The following NDUFA10 variants were observed in gnomAD, a reference collection of about 807,000 sequenced individuals.
The protein encoded by NDUFA10 is NADH:ubiquinone oxidoreductase subunit A10.
In NDUFA10, 40 loss-of-function variants were observed where a neutral mutation model predicts 47.8. The ratio of observed to expected loss-of-function variants is 0.84; its 90% CI spans 0.65 to 1.09. The LOEUF (loss-of-function observed/expected upper bound fraction) is 1.09. NDUFA10 is among the 50% of genes least tolerant of loss of function. The pLI is 0.00. For missense variants in NDUFA10, 413 were observed against 451.1 expected (o/e 0.92, Z 0.76); for synonymous variants, 183 against 172.2 (o/e 1.06, Z -0.49).
intron 4 of NDUFA10, among the ~76,000 whole-genome samples, chr2:239,919,425 C>A (rs1693930289): frequency 7.8e-6 from 1 of 127,932 alleles, no homozygotes; most frequent in African/African-American, 2.8e-5. Context: ...AATGCTGGCT[C>A]CTCGAGGGCA....
At chr2:239,975,199 T>G (rs1695472240) in intron 9 of NDUFA10, among the ~76,000 whole-genome samples, 1 of 152,254 alleles carries the variant, frequency 6.6e-6, no homozygotes, top group African/African-American at 2.4e-5. Flanking sequence ...TGCTCCTGCC[T>G]TATTAGGATG....
chr2:239,919,527 AG>A (rs1361386657), intron 4 of NDUFA10, among the ~76,000 whole-genome samples: 1 of 146,912 alleles, frequency 6.8e-6, no homozygotes, highest in Non-Finnish European at 1.5e-5. Context: ...GGTAAGTTGA[AG>A]GAATAACCAA....
intron 3 of NDUFA10, among the ~76,000 whole-genome samples, chr2:240,020,309 T>C (rs1283458433): frequency 2.0e-5 from 3 of 152,134 alleles, no homozygotes; most frequent in Non-Finnish European, 2.9e-5. Context: ...AGCACTGCAA[T>C]ATAAAACAGA....
intron 9 of NDUFA10, among the ~76,000 whole-genome samples, chr2:239,984,795 G>A (rs1695929885): frequency 6.6e-6 from 1 of 152,246 alleles, no homozygotes; most frequent in African/African-American, 2.4e-5. Context: ...TCCCGTCCCT[G>A]AGGCGCTCCC....
At chr2:239,955,109 G>C (rs887270565), downstream of NDUFA10, among the ~76,000 whole-genome samples, 2 of 152,186 alleles carry the variant, frequency 1.3e-5, no homozygotes, top group African/African-American at 4.8e-5. Flanking sequence ...TATTTCAATA[G>C]GAAGGAGTTT....
intron 8 of NDUFA10, among the ~76,000 whole-genome samples, chr2:239,998,162 C>T (rs911582395): frequency 1.3e-5 from 2 of 151,926 alleles, no homozygotes; most frequent in African/African-American, 4.8e-5. Context: ...CCTTTGTTCC[C>T]GACTTTCTCT....
chr2:239,935,217 C>T (rs1027382593), intron 4 of NDUFA10, among the ~76,000 whole-genome samples: 7 of 152,220 alleles, frequency 4.6e-5, no homozygotes, highest in African/African-American at 1.2e-4. Flanking sequence ...GGAAGGCCCT[C>T]GTTTCCCCCA....
At position 239,957,833 on chromosome 2, in the gene NDUFA10, G is replaced by C. The variant is rs1302764042; in HGVS notation, c.*3285C>G. ...ACTCACAGAGCCTGGCATTCCGATG[G>C]GGAAGGACAGAAAGGCTGGGACCCT... On this transcript the variant is annotated 3_prime_UTR_variant, in exon 10 of 10. Transcript: ENST00000252711. 1 of 152,214 alleles carries C rather than the reference G, an allele frequency of 6.6e-6. No homozygotes were observed. The highest frequency in any genetic ancestry group is 2.4e-5 in the African/African-American group (1 of 41,446). 9.4% of individuals were successfully genotyped at this position (152,214 alleles called of 1,614,324 possible).
chr2:239,895,097 C>G (rs1038320657), intron 5 of NDUFA10: 1 of 261,912 alleles, frequency 3.8e-6, no homozygotes, highest in Admixed American at 4.9e-5. Flanking sequence ...AGAGAAGAAT[C>G]TTGCCTTCAC....
chr2:240,004,413 T>TA (rs1696856151), intron 8 of NDUFA10, among the ~76,000 whole-genome samples: 1 of 151,712 alleles, frequency 6.6e-6, no homozygotes, highest in African/African-American at 2.4e-5. Context: ...CATATCGTAT[T>TA]ACTCCTCTGC....
chr2:239,903,585 AAAAGGGG>A (rs1693593267), intron 4 of NDUFA10, among the ~76,000 whole-genome samples: 1 of 152,248 alleles, frequency 6.6e-6, no homozygotes, highest in Non-Finnish European at 1.5e-5. Context: ...TGCCCTGTTG[AAAAGGGG>A]AAAGGAGATC....
intron 8 of NDUFA10, among the ~76,000 whole-genome samples, chr2:240,000,691 G>T (rs1696673501): frequency 1.3e-5 from 2 of 152,106 alleles, no homozygotes; most frequent in South Asian, 4.2e-4. Context: ...TCCACTCACG[G>T]TACATGCCCC....
rs886055821 is a variant in NDUFA10 at position 239,959,906 on chromosome 2, A to G, written c.*1212T>C. 4 of 985,476 alleles carry G rather than the reference A, an allele frequency of 4.1e-6. No individual in the cohort carries two copies. The South Asian group carries it at 1.4e-4, about 35-fold the overall frequency. 61.0% of individuals were successfully genotyped at this position (985,476 alleles called of 1,614,324 possible). The stretch of plus-strand genomic sequence containing the variant: ...GGGAAGGAGTGTGCATCTTCTTCGC[A>G]TGCTCCGCAGCAGCGAGGCCTGGTA... On this transcript the variant is annotated 3_prime_UTR_variant, in exon 10 of 10. Coordinates refer to ENST00000252711, the MANE Select transcript of NDUFA10 (RefSeq NM_004544.4).
chr2:239,993,476 G>A (rs983421532), intron 8 of NDUFA10, among the ~76,000 whole-genome samples: 7 of 152,206 alleles, frequency 4.6e-5, no homozygotes, highest in African/African-American at 1.7e-4. Context: ...GTGGAAGAAG[G>A]GCCTGGCAGA....
At chr2:240,004,991 T>A (rs558967050) in intron 8 of NDUFA10, among the ~76,000 whole-genome samples, 1 of 152,308 alleles carries the variant, frequency 6.6e-6, no homozygotes, top group South Asian at 2.1e-4. Context: ...GTGTTGCACA[T>A]AGTGGAAGCA....
intron 4 of NDUFA10, among the ~76,000 whole-genome samples, chr2:239,905,853 AGG>A (rs1693645538): frequency 1.6e-4 from 1 of 6,212 alleles, no homozygotes; most frequent in Non-Finnish European, 3.3e-4. Flanking sequence ...AGGGGAGGGG[AGG>A]GGAGGGGAGC....
intron 8 of NDUFA10, among the ~76,000 whole-genome samples, chr2:239,991,025 T>C (rs1025875122): frequency 1.3e-5 from 2 of 152,204 alleles, no homozygotes; most frequent in Non-Finnish European, 2.9e-5. Context: ...TTCTCATTTG[T>C]AATGGCTCAA....
At chr2:239,990,657 C>T (rs1270185776) in intron 8 of NDUFA10, among the ~76,000 whole-genome samples, 1 of 152,162 alleles carries the variant, frequency 6.6e-6, no homozygotes, top group Non-Finnish European at 1.5e-5. Context: ...CGTCTTACTG[C>T]TCTGTTCTGT....
intron 4 of NDUFA10, 135 bp from the exon 5 acceptor site, chr2:240,014,995 G>C (rs1437073296): frequency 1.5e-6 from 2 of 1,322,174 alleles, no homozygotes; most frequent in Non-Finnish European, 2.1e-6. Flanking sequence ...ACCCTATCTC[G>C]GTCACAGTTC....
Sources: gnomAD v4.1 joint callset for allele counts (sites outside exome capture counted in the v4.1 genomes callset) on GRCh38, gnomAD v4.1.1 for gene constraint, MANE v1.5 for transcripts, NCBI Gene and HGNC (gene_info 2026-07-23, HGNC 2026-07-21) for gene names.